Variants in PRIM2 observed in about 807,000 individuals in gnomAD.
PRIM2 encodes DNA primase large subunit.
In PRIM2, 39 loss-of-function variants were observed where a neutral mutation model predicts 67.3. The ratio of observed to expected loss-of-function variants is 0.58; its 90% CI spans 0.45 to 0.76. PRIM2 has a LOEUF of 0.76. Ranked by LOEUF, PRIM2 falls within the 30% of genes least tolerant of loss-of-function variation. PRIM2 has a pLI of 0.00. For synonymous variants in PRIM2, 143 were observed against 198.7 expected (o/e 0.72, Z 2.36); for missense variants, 398 against 598.7 (o/e 0.66, Z 3.50).
At chr6:57,244,741 C>CAA in the PRIM2 span, among the ~76,000 whole-genome samples, 237 of 145,906 alleles carry the variant, frequency 1.6e-3, 1 homozygote, top group Middle Eastern at 0.011. Flanking sequence ...AACTCCATCT[C>CAA]AAAAAAAAAA....
chr6:57,550,934 G>T (rs1240850612), intron 10 of PRIM2, among the ~76,000 whole-genome samples: 6 of 152,108 alleles, frequency 3.9e-5, no homozygotes, highest in Non-Finnish European at 8.8e-5. Flanking sequence ...TTAATATTAG[G>T]AATCTCAGGG....
chr6:57,358,004 A>G (rs1042341554), intron 5 of PRIM2, among the ~76,000 whole-genome samples: 3 of 152,232 alleles, frequency 2.0e-5, no homozygotes, highest in Admixed American at 2.0e-4. Flanking sequence ...ACCTAACACA[A>G]TGTCTAGCCT....
chr6:57,636,518 C>A (rs1161509900), intron 13 of PRIM2, among the ~76,000 whole-genome samples: 2 of 152,070 alleles, frequency 1.3e-5, no homozygotes, highest in African/African-American at 4.8e-5. Context: ...CACAAAGAAC[C>A]CATCCTAGAA....
the PRIM2 span, among the ~76,000 whole-genome samples, chr6:57,297,976 T>C: frequency 6.6e-6 from 1 of 152,146 alleles, no homozygotes; most frequent in Non-Finnish European, 1.5e-5. Flanking sequence ...GACAATGTCT[T>C]TGGGGATAGC....
chr6:57,238,879 C>T, the PRIM2 span, among the ~76,000 whole-genome samples: 2 of 152,238 alleles, frequency 1.3e-5, no homozygotes, highest in Admixed American at 1.3e-4. Flanking sequence ...AATAACTCTT[C>T]TTTGACATAT....
intron 10 of PRIM2, among the ~76,000 whole-genome samples, chr6:57,566,446 A>T (rs1775742688): frequency 6.6e-6 from 1 of 152,142 alleles, no homozygotes; most frequent in Non-Finnish European, 1.5e-5. Context: ...CTGTAAGAAC[A>T]TTTCTAAATC....
intron 5 of PRIM2, among the ~76,000 whole-genome samples, chr6:57,345,018 TTTGTATTCTTA>T (rs1160624345): frequency 6.7e-6 from 1 of 150,340 alleles, no homozygotes; most frequent in Non-Finnish European, 1.5e-5. Context: ...TATAGGACTC[TTTGTATTCTTA>T]TTGTTGATGG....
chr6:57,563,697 A>C (rs1453849860), intron 10 of PRIM2, among the ~76,000 whole-genome samples: 5 of 152,322 alleles, frequency 3.3e-5, no homozygotes, highest in Non-Finnish European at 7.3e-5. Flanking sequence ...GTTGGAGTGC[A>C]GTGGTGCGAT....
chr6:57,602,206 C>A (rs1776483028), intron 11 of PRIM2, among the ~76,000 whole-genome samples: 1 of 152,014 alleles, frequency 6.6e-6, no homozygotes, highest in Non-Finnish European at 1.5e-5. Flanking sequence ...ATTACAGGCA[C>A]CTGCCACCCT....
At chr6:57,609,681 C>T (rs1298223808) in intron 12 of PRIM2, among the ~76,000 whole-genome samples, 1 of 152,190 alleles carries the variant, frequency 6.6e-6, no homozygotes, top group Non-Finnish European at 1.5e-5. Context: ...TAGTAATTTT[C>T]ACATTACCCT....
intron 12 of PRIM2, among the ~76,000 whole-genome samples, chr6:57,624,212 T>C (rs1422945670): frequency 6.6e-6 from 1 of 152,188 alleles, no homozygotes; most frequent in African/African-American, 2.4e-5. Flanking sequence ...AGGCTTTACA[T>C]GTGTCTTCTT....
chr6:57,301,300 C>G, the PRIM2 span, among the ~76,000 whole-genome samples: 98 of 152,152 alleles, frequency 6.4e-4, no homozygotes, highest in East Asian at 0.015. Flanking sequence ...CCAGCGTGAC[C>G]AACATGGAGA....
intron 10 of PRIM2, among the ~76,000 whole-genome samples, chr6:57,541,390 A>G (rs1257480049): frequency 1.3e-5 from 2 of 152,056 alleles, no homozygotes; most frequent in African/African-American, 2.4e-5. Context: ...TGCCTGGCCT[A>G]TTATGACTTT....
chr6:57,513,620 G>A (rs1581963002), intron 8 of PRIM2, among the ~76,000 whole-genome samples: 1 of 152,160 alleles, frequency 6.6e-6, no homozygotes, highest in Non-Finnish European at 1.5e-5. Flanking sequence ...TTGGCTGGAC[G>A]CGGTGGCTTA....
At chr6:57,521,875 C>T (rs1554348958) in intron 8 of PRIM2, among the ~76,000 whole-genome samples, 10 of 151,532 alleles carry the variant, frequency 6.6e-5, no homozygotes, top group African/African-American at 2.4e-4. Flanking sequence ...AGAAATACCC[C>T]CTGAGGATGA....
At chr6:57,479,795 C>T (rs1278774744) in intron 7 of PRIM2, among the ~76,000 whole-genome samples, 1 of 152,182 alleles carries the variant, frequency 6.6e-6, no homozygotes, top group African/African-American at 2.4e-5. Flanking sequence ...TATCTGTAAA[C>T]TACTTTGCCT....
At chr6:57,396,975 A>T (rs1770536860) in intron 7 of PRIM2, among the ~76,000 whole-genome samples, 1 of 152,282 alleles carries the variant, frequency 6.6e-6, no homozygotes, top group East Asian at 1.9e-4. Flanking sequence ...ATTTTGTTTG[A>T]GGAGGTGGAA....
At chr6:57,403,744 G>A (rs1218486879) in intron 7 of PRIM2, among the ~76,000 whole-genome samples, 18 of 152,120 alleles carry the variant, frequency 1.2e-4, no homozygotes, top group Admixed American at 1.3e-4. Context: ...AATTTTTAGA[G>A]GAGGAAAGCA....
At chr6:57,546,230 T>C (rs1308046568) in intron 10 of PRIM2, among the ~76,000 whole-genome samples, 2 of 152,250 alleles carry the variant, frequency 1.3e-5, no homozygotes, top group East Asian at 1.9e-4. Flanking sequence ...TAGGCCAACA[T>C]TGATTTTTAA....
Sources: gnomAD v4.1 joint callset for allele counts (sites outside exome capture counted in the v4.1 genomes callset) on GRCh38, gnomAD v4.1.1 for gene constraint, MANE v1.5 for transcripts, NCBI Gene and HGNC (gene_info 2026-07-23, HGNC 2026-07-21) for gene names.